SYT16: variants seen among roughly 807,000 people sequenced by gnomAD.
SYT16 encodes the protein synaptotagmin-16.
A neutral mutation model predicts 61.4 loss-of-function variants in SYT16; 42 were observed. The ratio of observed to expected loss-of-function variants is 0.68; its 90% CI spans 0.53 to 0.89. SYT16 has a LOEUF of 0.89. SYT16 is among the 40% of genes least tolerant of loss of function. SYT16 has a pLI of 0.00. For synonymous variants in SYT16, 314 were observed against 302.3 expected, an observed-to-expected ratio of 1.04 and a Z score of -0.40; for missense variants, 804 against 807.3, an observed-to-expected ratio of 1.00 and a Z score of 0.05.
rs1010237585 is a variant in SYT16, at chr14:62,112,041, A to G, written c.*11334A>G. ...AGGTGTGGAAATTTTTTAATTGTTA[A>G]AAACTGGAATACCTTTCTACCTTTT... On this transcript the variant is annotated 3_prime_UTR_variant, in exon 8 of 8. Transcript: ENST00000683842. The G allele has an allele frequency of 6.6e-6, 1 of 152,114 alleles. No individual in the cohort carries two copies. Among genetic ancestry groups the G allele is most frequent in the Non-Finnish European group, 1.5e-5 (1 of 67,964 alleles). 9.4% of individuals were successfully genotyped at this position (152,114 alleles called of 1,614,324 possible).
intron 3 of SYT16, among the ~76,000 whole-genome samples, chr14:62,048,929 G>T (rs1445366807): frequency 6.6e-6 from 1 of 152,172 alleles, no homozygotes; most frequent in East Asian, 1.9e-4. Flanking sequence ...GTGTGGTGTG[G>T]TGCTGAAAAG....
rs79555922 is a variant in SYT16 at position 62,021,429 on chromosome 14, C to G, written c.523+24887C>G. The stretch of plus-strand genomic sequence containing the variant: ...CTGGGCCCAGGCTCTATTCCTGCCA[C>G]TCTACAGTGTTAGAGGTTGAGGTTA... On this transcript the variant is annotated intron_variant, in intron 3 of 7. Transcript: ENST00000683842. Among the ~76,000 whole-genome samples the G allele has an allele frequency of 2.4e-3, 371 of 152,098 alleles. 1 individual carries two copies. Among genetic ancestry groups the G allele is most frequent in the African/African-American group, 8.5e-3 (354 of 41,504 alleles).
At chr14:62,112,738 T>G (rs2057627635), downstream of SYT16, among the ~76,000 whole-genome samples, 1 of 152,190 alleles carries the variant, frequency 6.6e-6, no homozygotes, top group Non-Finnish European at 1.5e-5. Flanking sequence ...ATACAGTTTA[T>G]TTGGTTTCAG....
intron 1 of SYT16, among the ~76,000 whole-genome samples, chr14:61,904,143 C>T (rs188252998): frequency 4.6e-5 from 7 of 152,332 alleles, no homozygotes; most frequent in Admixed American, 2.0e-4. Flanking sequence ...CTCTGGATAC[C>T]ACTGGAACTA....
intron 1 of SYT16, among the ~76,000 whole-genome samples, chr14:61,945,724 C>T (rs370568113): frequency 2.0e-4 from 31 of 151,900 alleles, no homozygotes; most frequent in South Asian, 6.3e-4. Context: ...GGCGTGGTGG[C>T]GGGTGCCTGT....
chr14:62,027,316 G>T (rs1007105588), intron 3 of SYT16, among the ~76,000 whole-genome samples: 1 of 152,100 alleles, frequency 6.6e-6, no homozygotes, highest in African/African-American at 2.4e-5. Flanking sequence ...CAATGATATC[G>T]ATGTAGGACC....
chr14:62,060,056 C>A (rs2055758729), intron 3 of SYT16, among the ~76,000 whole-genome samples: 1 of 151,998 alleles, frequency 6.6e-6, no homozygotes. Context: ...ATAGGTGGGT[C>A]CCCCTACTTT....
At chr14:61,903,531 T>G (rs1234868863) in intron 1 of SYT16, among the ~76,000 whole-genome samples, 2 of 152,228 alleles carry the variant, frequency 1.3e-5, no homozygotes, top group African/African-American at 4.8e-5. Flanking sequence ...AGGATTTCTT[T>G]TCAATATCAT....
intron 1 of SYT16, among the ~76,000 whole-genome samples, chr14:61,915,381 A>T (rs936307437): frequency 5.9e-5 from 9 of 152,138 alleles, no homozygotes; most frequent in Non-Finnish European, 1.0e-4. Context: ...CATACATAAC[A>T]TACATCTATG....
chr14:62,029,812 G>A (rs1410282488), intron 3 of SYT16, among the ~76,000 whole-genome samples: 1 of 151,938 alleles, frequency 6.6e-6, no homozygotes, highest in Non-Finnish European at 1.5e-5. Context: ...GGAGATTGAT[G>A]GTTTTATCAG....
At chr14:62,055,073 T>C (rs1418593221) in intron 3 of SYT16, among the ~76,000 whole-genome samples, 1 of 152,178 alleles carries the variant, frequency 6.6e-6, no homozygotes, top group Non-Finnish European at 1.5e-5. Flanking sequence ...ATTGGAGTGA[T>C]AGAGAAATAT....
intron 1 of SYT16, among the ~76,000 whole-genome samples, chr14:61,960,947 G>A (rs959679234): frequency 1.3e-5 from 2 of 152,112 alleles, no homozygotes; most frequent in South Asian, 2.1e-4. Context: ...AGAATAGAGA[G>A]CCTAGAAGTA....
intron 3 of SYT16, among the ~76,000 whole-genome samples, chr14:62,059,155 TA>T (rs1338853135): frequency 5.9e-5 from 9 of 151,944 alleles, no homozygotes; most frequent in Non-Finnish European, 1.5e-5. Flanking sequence ...AAATAATCTG[TA>T]CAAAAAAACC....
rs989258999 is a variant in SYT16 at position 62,072,561 on chromosome 14, G to A, written c.737-2574G>A. ...GTTCTTAGGTTGAATTTCTTCTCCC[G>A]GGAACTTCAGTTCTCTTAAGGTCTT... On this transcript the variant is annotated intron_variant, in intron 4 of 7. Coordinates refer to ENST00000683842, the MANE Select transcript of SYT16 (RefSeq NM_001367656.1). Among the ~76,000 whole-genome samples the A allele has an allele frequency of 7.2e-5, 11 of 152,088 alleles. 1 individual carries two copies. The East Asian group carries it at 9.6e-4, about 13-fold the overall frequency.
chr14:61,893,250 T>C (rs879449816), intron 1 of SYT16, among the ~76,000 whole-genome samples: 3 of 152,222 alleles, frequency 2.0e-5, no homozygotes, highest in Admixed American at 6.5e-5. Context: ...GGATACATAA[T>C]TGGATGACAA....
intron 1 of SYT16, among the ~76,000 whole-genome samples, chr14:61,861,885 C>CA (rs1389387607): frequency 6.6e-6 from 1 of 151,850 alleles, no homozygotes; most frequent in Non-Finnish European, 1.5e-5. Flanking sequence ...GCATCATATC[C>CA]AAAAAAATAC....
At chr14:62,062,813 C>A (rs191839405) in intron 3 of SYT16, among the ~76,000 whole-genome samples, 21 of 152,244 alleles carry the variant, frequency 1.4e-4, no homozygotes, top group African/African-American at 4.8e-4. Context: ...GGGTACTGCA[C>A]CACTGAGCAC....
intron 3 of SYT16, among the ~76,000 whole-genome samples, chr14:62,047,984 G>A (rs1472216789): frequency 6.6e-6 from 1 of 152,194 alleles, no homozygotes; most frequent in Non-Finnish European, 1.5e-5. Flanking sequence ...GATGATGCTG[G>A]CCTCATAAAA....
At chr14:61,978,156 A>C (rs1311401851) in intron 2 of SYT16, among the ~76,000 whole-genome samples, 1 of 152,000 alleles carries the variant, frequency 6.6e-6, no homozygotes, top group Non-Finnish European at 1.5e-5. Flanking sequence ...TTTTTCAAAT[A>C]ATATAACATG....
Sources: gnomAD v4.1 joint callset for allele counts (sites outside exome capture counted in the v4.1 genomes callset) on GRCh38, gnomAD v4.1.1 for gene constraint, MANE v1.5 for transcripts, NCBI Gene and HGNC (gene_info 2026-07-23, HGNC 2026-07-21) for gene names.